BRAF: variants seen among roughly 807,000 people sequenced by gnomAD.
The protein encoded by BRAF is B-Raf proto-oncogene, serine/threonine kinase, also known as serine/threonine-protein kinase B-raf.
Under a neutral mutation model 104.6 loss-of-function variants are expected in BRAF, and 16 were observed. That is an observed-to-expected ratio of 0.15 (90% confidence interval 0.10 to 0.23). The LOEUF is 0.23. Among genes scored for constraint, BRAF ranks in the 10% least tolerant of loss-of-function variants. The pLI is 1.00. For missense variants in BRAF, 541 were observed against 937.3 expected (o/e 0.58, Z 5.52); for synonymous variants, 310 against 341.6 (o/e 0.91, Z 1.02).
chr7:140,827,100 T>C (rs1456676038), intron 3 of BRAF, among the ~76,000 whole-genome samples: 2 of 152,174 alleles, frequency 1.3e-5, no homozygotes, highest in African/African-American at 2.4e-5. Context: ...TCTTATAAAA[T>C]AGAAGGTCCC....
At chr7:140,733,983 G>C in intron 19 of BRAF, 1 of 1,026,688 alleles carries the variant, frequency 9.7e-7, no homozygotes, top group Non-Finnish European at 1.2e-6. Flanking sequence ...CCACTCCTCA[G>C]CAATATTTTT....
chr7:140,760,922 C>G (rs1562945511), intron 14 of BRAF, among the ~76,000 whole-genome samples: 1 of 152,082 alleles, frequency 6.6e-6, no homozygotes, highest in Non-Finnish European at 1.5e-5. Context: ...ATTAGTGTAC[C>G]TGAAAGTGAC....
chr7:140,921,428 T>C (rs1225839742), intron 1 of BRAF, among the ~76,000 whole-genome samples: 1 of 152,172 alleles, frequency 6.6e-6, no homozygotes, highest in Non-Finnish European at 1.5e-5. Flanking sequence ...GTGAAATTTG[T>C]TCATTCCCCA....
At chr7:140,849,743 C>T (rs747570519) in intron 2 of BRAF, among the ~76,000 whole-genome samples, 2 of 151,616 alleles carry the variant, frequency 1.3e-5, no homozygotes, top group African/African-American at 4.8e-5. Context: ...AGCTGGGAGG[C>T]GGAGGTTGTA....
At chr7:140,729,188 T>C (rs374102458) in intron 19 of BRAF, among the ~76,000 whole-genome samples, 8 of 152,018 alleles carry the variant, frequency 5.3e-5, no homozygotes, top group South Asian at 4.2e-4. Flanking sequence ...TGAGCCAGGA[T>C]TGTACCACTG....
chr7:140,895,117 AAG>A (rs1360232421), intron 1 of BRAF, among the ~76,000 whole-genome samples: 3 of 152,174 alleles, frequency 2.0e-5, no homozygotes. Flanking sequence ...AATCAATTAA[AAG>A]AATATACAAT....
chr7:140,831,566 C>CGTT (rs1363057359), intron 3 of BRAF, among the ~76,000 whole-genome samples: 6 of 152,128 alleles, frequency 3.9e-5, no homozygotes, highest in African/African-American at 1.4e-4. Context: ...GAGGAACTAA[C>CGTT]AGGATCCCCT....
At chr7:140,921,845 T>C (rs956722818) in intron 1 of BRAF, among the ~76,000 whole-genome samples, 3 of 151,898 alleles carry the variant, frequency 2.0e-5, no homozygotes, top group Non-Finnish European at 2.9e-5. Context: ...AAATAAATCT[T>C]CAGAATAAAA....
chr7:140,913,602 C>T (rs1366250993), intron 1 of BRAF, among the ~76,000 whole-genome samples: 2 of 149,698 alleles, frequency 1.3e-5, no homozygotes, highest in African/African-American at 4.9e-5. Flanking sequence ...CTTGCCTCAG[C>T]CTCCAGAGTA....
intron 3 of BRAF, among the ~76,000 whole-genome samples, chr7:140,810,492 C>T (rs930140137): frequency 5.3e-5 from 8 of 152,104 alleles, no homozygotes; most frequent in African/African-American, 1.7e-4. Flanking sequence ...ATCACTTGAA[C>T]CCAGAAGGCA....
intron 1 of BRAF, among the ~76,000 whole-genome samples, chr7:140,881,456 T>A (rs1470697063): frequency 6.6e-6 from 1 of 152,240 alleles, no homozygotes; most frequent in Non-Finnish European, 1.5e-5. Flanking sequence ...CGTCTCACTA[T>A]GATGGCCAGG....
At chr7:140,771,654 T>C (rs1799854734) in intron 14 of BRAF, among the ~76,000 whole-genome samples, 1 of 152,234 alleles carries the variant, frequency 6.6e-6, no homozygotes, top group Non-Finnish European at 1.5e-5. Flanking sequence ...GGGCAGGCTA[T>C]TCTGAAATAA....
chr7:140,778,647 T>C (rs1340158481), intron 12 of BRAF, among the ~76,000 whole-genome samples: 1 of 151,700 alleles, frequency 6.6e-6, no homozygotes, highest in Admixed American at 6.6e-5. Flanking sequence ...TGTATATATA[T>C]GTAACTAACC....
chr7:140,861,256 C>T (rs1810385736), intron 1 of BRAF, among the ~76,000 whole-genome samples: 1 of 152,208 alleles, frequency 6.6e-6, no homozygotes, highest in Non-Finnish European at 1.5e-5. Flanking sequence ...CAGGTTCCCA[C>T]TCTGGTCCAC....
At chr7:140,853,908 TTTATCCCCAGAGCC>T (rs1290103082) in intron 1 of BRAF, among the ~76,000 whole-genome samples, 2 of 152,164 alleles carry the variant, frequency 1.3e-5, no homozygotes, top group African/African-American at 4.8e-5. Context: ...TTTTTTCTGA[TTTATCCCCAGAGCC>T]TAGAACAGTG....
intron 1 of BRAF, among the ~76,000 whole-genome samples, chr7:140,865,390 T>C (rs575091876): frequency 2.0e-4 from 30 of 152,258 alleles, no homozygotes; most frequent in Non-Finnish European, 3.7e-4. Context: ...AGCAAACGCA[T>C]TTTTAATTGG....
At chr7:140,789,285 G>T (rs1801709413) in intron 8 of BRAF, among the ~76,000 whole-genome samples, 2 of 152,034 alleles carry the variant, frequency 1.3e-5, no homozygotes, top group South Asian at 4.2e-4. Flanking sequence ...AGTCGCTACT[G>T]GTAATGCAAT....
At chr7:140,906,338 G>A (rs1816330349) in intron 1 of BRAF, among the ~76,000 whole-genome samples, 1 of 151,790 alleles carries the variant, frequency 6.6e-6, no homozygotes, top group African/African-American at 2.4e-5. Context: ...AGTAGCTGGG[G>A]CTATGGGCAT....
chr7:140,880,061 A>G (rs1399659497), intron 1 of BRAF, among the ~76,000 whole-genome samples: 2 of 152,118 alleles, frequency 1.3e-5, no homozygotes, highest in African/African-American at 4.8e-5. Flanking sequence ...ACAACAATGA[A>G]GTCTGCTGTG....
Sources: gnomAD v4.1 joint callset for allele counts (sites outside exome capture counted in the v4.1 genomes callset) on GRCh38, gnomAD v4.1.1 for gene constraint, MANE v1.5 for transcripts, NCBI Gene and HGNC (gene_info 2026-07-23, HGNC 2026-07-21) for gene names.